The following SPICE1 variants were observed in gnomAD, a reference collection of about 807,000 sequenced individuals.
SPICE1 encodes the protein spindle and centriole associated protein 1, also known as spindle and centriole-associated protein 1.
Under a neutral mutation model 102.7 loss-of-function variants are expected in SPICE1, and 75 were observed. That is an observed-to-expected ratio of 0.73 (90% CI 0.61 to 0.88). The LOEUF is 0.88. SPICE1 is among the 40% of genes least tolerant of loss of function. The pLI, the probability that SPICE1 is intolerant of heterozygous loss-of-function variation, is 0.00. For synonymous variants in SPICE1, 308 were observed against 350.3 expected (o/e 0.88, Z 1.35); for missense variants, 979 against 1,020.1 (o/e 0.96, Z 0.55).
In SPICE1 at chr3:113,488,396, C is replaced by A. The variant is rs144175272; in HGVS notation, c.611+549G>T. ...ATAAAGAAAATGTGGTATAGACACACCATGGAATACTACTCAGCCACTCAC... is the reference window on the plus strand; with the variant it reads ...ATAAAGAAAATGTGGTATAGACACAACATGGAATACTACTCAGCCACTCAC... On this transcript the variant is annotated intron_variant, in intron 7 of 17. Transcript: ENST00000295872. Among the ~76,000 whole-genome samples the A allele has an allele frequency of 3.3e-4, 50 of 152,218 alleles. No individual in the cohort carries two copies. In the East Asian group the frequency reaches 9.6e-3, roughly 29 times the overall value.
intron 7 of SPICE1, among the ~76,000 whole-genome samples, chr3:113,479,347 T>A (rs1260470109): frequency 6.6e-6 from 1 of 151,742 alleles, no homozygotes. Context: ...GGTGTATATG[T>A]GCCACATTTT....
At chr3:113,497,369 ATACTC>A (rs972851913) in intron 4 of SPICE1, among the ~76,000 whole-genome samples, 2 of 152,232 alleles carry the variant, frequency 1.3e-5, no homozygotes, top group African/African-American at 2.4e-5. Flanking sequence ...AGCTTAAACT[ATACTC>A]TAACACACAA....
intron 7 of SPICE1, among the ~76,000 whole-genome samples, chr3:113,480,275 A>T (rs372941908): frequency 6.6e-6 from 1 of 152,052 alleles, no homozygotes; most frequent in African/African-American, 2.4e-5. Context: ...GAAAGCTATC[A>T]GCCTCAAAAA....
rs1936685636 is a variant in SPICE1 at position 113,488,105 on chromosome 3, TAAAC to T, written c.611+836_611+839del. Among the ~76,000 whole-genome samples, 8 of 152,126 alleles carry T rather than the reference TAAAC, an allele frequency of 5.3e-5. 1 individual carries two copies. The East Asian group carries it at 1.2e-3, about 22-fold the overall frequency. On this transcript the variant is annotated intron_variant, in intron 7 of 17. Coordinates refer to ENST00000295872, the MANE Select transcript of SPICE1 (RefSeq NM_144718.4). ...TTCTTCAATCATCCAAAAAACAAAA[TAAAC>T]ATTACTGTGACAACTGGAGAAATCT...
Position 113,499,537 on chromosome 3 carries a change from G to A in SPICE1, c.193C>T (p.His65Tyr), listed in dbSNP as rs779362954. 3 of 1,612,682 alleles carry A rather than the reference G, an allele frequency of 1.9e-6. No individual in the cohort carries two copies. Among genetic ancestry groups the A allele is most frequent in the African/African-American group, 1.3e-5 (1 of 74,792 alleles). Residue 65 changes from histidine (H) to tyrosine (Y), a missense_variant, in exon 4 of 18, where the codon CAC (histidine) becomes TAC (tyrosine). Physicochemically the swap from His to Tyr is moderately conservative, Grantham distance 83. Coordinates refer to ENST00000295872, the MANE Select transcript of SPICE1 (RefSeq NM_144718.4). ...AAAGCTTTTTCTTGGAGTTCCCAGT[G>A]TACTAATGCTCTATTCTTCGATTTG... Reference protein sequence around the residue: ...IHKSKNRALVHWELQEKALKR... With the variant: ...IHKSKNRALVYWELQEKALKR...
intron 7 of SPICE1, among the ~76,000 whole-genome samples, chr3:113,481,826 C>G (rs1335158809): frequency 6.6e-6 from 1 of 152,060 alleles, no homozygotes; most frequent in Admixed American, 6.6e-5. Context: ...TTGATGGGCA[C>G]ATGGGTTGGT....
chr3:113,481,346 A>C (rs1329561847), intron 7 of SPICE1, among the ~76,000 whole-genome samples: 4 of 152,214 alleles, frequency 2.6e-5, no homozygotes, highest in African/African-American at 9.6e-5. Flanking sequence ...GTAAGAAATA[A>C]GCAAACTCTA....
At chr3:113,455,853 A>G (rs542584780) in intron 13 of SPICE1, among the ~76,000 whole-genome samples, 30 of 152,382 alleles carry the variant, frequency 2.0e-4, no homozygotes, top group African/African-American at 7.0e-4. Context: ...TTGCTTTAAC[A>G]AGCATTTAGT....
At chr3:113,512,501 C>T (rs142012277) in intron 1 of SPICE1, among the ~76,000 whole-genome samples, 2,049 of 151,120 alleles carry the variant, frequency 0.014, 37 homozygotes, top group African/African-American at 0.039. Flanking sequence ...CTCCACCTCC[C>T]GGGTTCAAGC....
intron 7 of SPICE1, 144 bp downstream of exon 7, chr3:113,488,801 G>A: frequency 1.7e-6 from 1 of 576,442 alleles, no homozygotes; most frequent in Non-Finnish European, 3.1e-6. Flanking sequence ...TATTATCCCT[G>A]CAAATTATTT....
chr3:113,514,694 C>T lies in SPICE1; in HGVS notation c.-1+203G>A, dbSNP rs1388894335. 6 of 1,086,866 alleles carry T rather than the reference C, an allele frequency of 5.5e-6. No individual in the cohort carries two copies. In the African/African-American group the frequency reaches 8.1e-5, roughly 15 times the overall value. The allele number at this position is 1,086,866 out of a possible 1,614,324, so 67.3% of individuals were successfully genotyped here. On this transcript the variant is annotated intron_variant, in intron 1 of 17. Coordinates refer to ENST00000295872, the MANE Select transcript of SPICE1 (RefSeq NM_144718.4). ...TCTGAGAAGCCCCTCTGACATCCAT[C>T]GATTTAAATGACGCTCCCGGTCCCA...
At chr3:113,445,384 A>C in intron 17 of SPICE1, 24 bp from the exon 18 acceptor site, 1 of 1,607,174 alleles carries the variant, frequency 6.2e-7, no homozygotes, top group Non-Finnish European at 8.5e-7. Context: ...ACACGGAAAA[A>C]ATTTAGATGG....
chr3:113,507,783 C>A (rs1937140866), intron 1 of SPICE1, among the ~76,000 whole-genome samples: 1 of 152,146 alleles, frequency 6.6e-6, no homozygotes, highest in African/African-American at 2.4e-5. Context: ...CTATTCTAAG[C>A]TCTTTAAACA....
At position 113,446,816 on chromosome 3, in the gene SPICE1, T is replaced by C. The variant is rs959555824; in HGVS notation, c.2427-140A>G. On this transcript the variant is annotated intron_variant, in intron 16 of 17. Transcript: ENST00000295872. Reference sequence around the variant, plus strand: ...AACTTAGGTCCAACGAGGTAAATTATTTGTAACTTATTTTCACCAACCTGT... The same window carrying C: ...AACTTAGGTCCAACGAGGTAAATTACTTGTAACTTATTTTCACCAACCTGT... 7 of 693,730 alleles carry C rather than the reference T, an allele frequency of 1.0e-5. No homozygotes were observed. In the African/African-American group the frequency reaches 1.3e-4, roughly 12 times the overall value. The allele number at this position is 693,730 out of a possible 1,614,324, so 43.0% of individuals were successfully genotyped here. A position where few individuals can be genotyped will look rare whatever the true frequency, so the allele number is the denominator to read the frequency against.
rs573962490 is a variant in SPICE1 at position 113,495,347 on chromosome 3, T to C, written c.292-1205A>G. Among the ~76,000 whole-genome samples, 64 of 152,356 alleles carry C rather than the reference T, an allele frequency of 4.2e-4. 1 individual carries two copies. Among genetic ancestry groups the C allele is most frequent in the Non-Finnish European group, 2.2e-4 (15 of 68,028 alleles). ...TACAGAATCAAATACATACACAATG[T>C]GACCTCAGTTATTGTTTTAAGACAC... On this transcript the variant is annotated intron_variant, in intron 4 of 17. Transcript: ENST00000295872.
At chr3:113,487,444 G>A (rs535067163) in intron 7 of SPICE1, among the ~76,000 whole-genome samples, 2 of 152,230 alleles carry the variant, frequency 1.3e-5, no homozygotes, top group East Asian at 3.9e-4. Context: ...ATATATGTAT[G>A]TGTGCATATA....
Position 113,448,132 on chromosome 3 carries a change from T to C in SPICE1, c.2332A>G (p.Lys778Glu). Reference protein sequence around the residue: ...LPLRAWTEGAKRTIEVSIPGA... With the variant: ...LPLRAWTEGAERTIEVSIPGA... ...GGAATAGATACCTCAATTGTCCTCT[T>C]TGCTCCTTCTAAAATATAAAAATAA... The change falls in exon 16 of 18, where the codon AAG becomes GAG. Residue 778 changes from lysine to glutamate, a missense_variant. Coordinates refer to ENST00000295872, the MANE Select transcript of SPICE1 (RefSeq NM_144718.4). The C allele has an allele frequency of 6.2e-7, 1 of 1,601,122 alleles. No individual in the cohort carries two copies. The highest frequency in any genetic ancestry group is 1.1e-5 in the South Asian group (1 of 87,644).
In SPICE1 at chr3:113,445,065, T is replaced by C; in HGVS notation, c.*242A>G. On this transcript the variant is annotated 3_prime_UTR_variant, in exon 18 of 18. Transcript: ENST00000295872. Reference sequence around the variant, plus strand: ...TAAAATACTTAAGAAAGTATTAAAATACAAAACTTTAACTTCTCTACAGTC... The same window carrying C: ...TAAAATACTTAAGAAAGTATTAAAACACAAAACTTTAACTTCTCTACAGTC... 3.0e-6 allele frequency: 1 copy of C among 335,474 alleles called. No homozygotes were observed. The highest frequency in any genetic ancestry group is 5.3e-6 in the Non-Finnish European group (1 of 187,148). The allele number at this position is 335,474 out of a possible 1,614,324, so 20.8% of individuals were successfully genotyped here.
chr3:113,513,421 CAAACAAAAACA>C (rs967663736), intron 1 of SPICE1, among the ~76,000 whole-genome samples: 11 of 152,080 alleles, frequency 7.2e-5, no homozygotes, highest in Admixed American at 2.0e-4. Context: ...TTAAAATAAA[CAAACAAAAACA>C]AAACAAAAAC....
Sources: gnomAD v4.1 joint callset for allele counts (sites outside exome capture counted in the v4.1 genomes callset) on GRCh38, gnomAD v4.1.1 for gene constraint, MANE v1.5 for transcripts, NCBI Gene and HGNC (gene_info 2026-07-23, HGNC 2026-07-21) for gene names.